Variants in MBTD1 observed in about 807,000 individuals in gnomAD.
MBTD1 encodes the protein mbt domain containing 1, also known as MBT domain-containing protein 1.
A neutral mutation model predicts 87.8 loss-of-function variants in MBTD1; 24 were observed. The ratio of observed to expected loss-of-function variants is 0.27; its 90% CI spans 0.20 to 0.38. The LOEUF (loss-of-function observed/expected upper bound fraction) is 0.38, where lower values mean the gene tolerates loss of function less well. Ranked by LOEUF, MBTD1 falls within the 10% of genes least tolerant of loss-of-function variation. The pLI, the probability that MBTD1 is intolerant of heterozygous loss-of-function variation, is 1.00. For synonymous variants in MBTD1, 237 were observed against 248.6 expected (o/e 0.95, Z 0.44); for missense variants, 436 against 760.2 (o/e 0.57, Z 5.02).
chr17:51,231,470 G>A (rs2053547101), intron 2 of MBTD1, among the ~76,000 whole-genome samples: 1 of 152,042 alleles, frequency 6.6e-6, no homozygotes, highest in Admixed American at 6.6e-5. Context: ...CATGGTCAAA[G>A]ATGTTTGGGA....
rs2051162662 is a variant in MBTD1 at position 51,197,063 on chromosome 17, TA to T, written c.1225-1703del. Among the ~76,000 whole-genome samples the T allele has an allele frequency of 9.4e-3, 11 of 1,176 alleles. 1 individual carries two copies. The highest frequency in any genetic ancestry group is 0.015 in the Non-Finnish European group (8 of 548). The allele number at this position is 1,176 out of a possible 152,430, so 0.8% of individuals were successfully genotyped here. A position where few individuals can be genotyped will look rare whatever the true frequency, so the allele number is the denominator to read the frequency against. On this transcript the variant is annotated intron_variant, in intron 12 of 16. Coordinates refer to ENST00000586178, the MANE Select transcript of MBTD1 (RefSeq NM_017643.3). ...CAAGATATATATATATATATATATA[TA>T]TATATATATATATATATATATATAT... is the stretch of plus-strand genomic sequence containing the variant.
At chr17:51,247,926 A>C (rs1037452809) in intron 2 of MBTD1, among the ~76,000 whole-genome samples, 8 of 152,172 alleles carry the variant, frequency 5.3e-5, no homozygotes, top group Non-Finnish European at 2.9e-5. Context: ...ATTTTCTTTT[A>C]ATCTCTAATG....
In MBTD1 at chr17:51,179,745, G is replaced by A. The variant is rs1318206260; in HGVS notation, c.*831C>T. On this transcript the variant is annotated 3_prime_UTR_variant, in exon 17 of 17. Transcript: ENST00000586178. The stretch of plus-strand genomic sequence containing the variant: ...AGATAGAGGGAAATGGCAGAGAACT[G>A]ATCAGAATCCCTTTCGTGGGGTATT... 1 of 151,310 alleles carries A rather than the reference G, an allele frequency of 6.6e-6. No homozygotes were observed. The highest frequency in any genetic ancestry group is 6.6e-5 in the Admixed American group (1 of 15,116). The allele number at this position is 151,310 out of a possible 1,614,324, so 9.4% of individuals were successfully genotyped here.
chr17:51,236,919 C>T (rs1307089119), intron 2 of MBTD1, among the ~76,000 whole-genome samples: 2 of 151,954 alleles, frequency 1.3e-5, no homozygotes, highest in East Asian at 1.9e-4. Flanking sequence ...CGTAAGAGTT[C>T]TATAAAACTT....
intron 16 of MBTD1, among the ~76,000 whole-genome samples, chr17:51,188,822 C>T (rs191102770): frequency 5.5e-5 from 8 of 145,200 alleles, no homozygotes; most frequent in East Asian, 2.0e-4. Context: ...TGCAATGGCG[C>T]GATCTCGGCT....
intron 2 of MBTD1, among the ~76,000 whole-genome samples, chr17:51,233,453 C>A (rs1482000983): frequency 6.6e-6 from 1 of 151,858 alleles, no homozygotes; most frequent in Non-Finnish European, 1.5e-5. Flanking sequence ...ACAAGATAGA[C>A]CTTGGAATTT....
intron 12 of MBTD1, among the ~76,000 whole-genome samples, chr17:51,199,125 T>A (rs1038927632): frequency 6.6e-6 from 1 of 151,408 alleles, no homozygotes; most frequent in Non-Finnish European, 1.5e-5. Context: ...TGAGACAGAG[T>A]TTTGCTCTTG....
intron 12 of MBTD1, among the ~76,000 whole-genome samples, chr17:51,195,863 T>TC (rs1428144928): frequency 6.6e-6 from 1 of 152,108 alleles, no homozygotes; most frequent in Non-Finnish European, 1.5e-5. Flanking sequence ...ACATTAAGGG[T>TC]CCTCTTGTTC....
In MBTD1 at chr17:51,179,494, A is replaced by ATATTTT. The variant is rs1555673720; in HGVS notation, c.*1081_*1082insAAAATA. 2.4e-5 allele frequency: 1 copy of ATATTTT among 41,462 alleles called. No homozygotes were observed. The highest frequency in any genetic ancestry group is 4.8e-5 in the Non-Finnish European group (1 of 20,710). The allele number at this position is 41,462 out of a possible 1,614,324, so 2.6% of individuals were successfully genotyped here. A position where few individuals can be genotyped will look rare whatever the true frequency, so the allele number is the denominator to read the frequency against. ...CAATTAAAGACAATTTTATATATAT[A>ATATTTT]TATATATATATATATATATATATAT... On this transcript the variant is annotated 3_prime_UTR_variant, in exon 17 of 17. Transcript: ENST00000586178.
Position 51,199,818 on chromosome 17 carries a change from TTTTC to T in MBTD1, c.1224+1770_1224+1773del, listed in dbSNP as rs145496918. Reference sequence around the variant, plus strand: ...TGGCAGCCATCATAATTGTTTTCCTTTTTCTTTTTTTCTGTTTTTTTTTTGAGAC... The same window carrying T: ...TGGCAGCCATCATAATTGTTTTCCTTTTTTTTTCTGTTTTTTTTTTGAGAC... On this transcript the variant is annotated intron_variant, in intron 12 of 16. Coordinates refer to ENST00000586178, the MANE Select transcript of MBTD1 (RefSeq NM_017643.3). Among the ~76,000 whole-genome samples, 1,398 of 150,096 alleles carry T rather than the reference TTTTC, an allele frequency of 9.3e-3. 32 individuals carry two copies. Among genetic ancestry groups the T allele is most frequent in the African/African-American group, 0.032 (1,292 of 39,912 alleles).
intron 6 of MBTD1, among the ~76,000 whole-genome samples, chr17:51,208,465 A>G (rs2051982117): frequency 6.6e-6 from 1 of 152,240 alleles, no homozygotes; most frequent in Non-Finnish European, 1.5e-5. Flanking sequence ...TCTAGACTGT[A>G]GGGCCATCCC....
intron 1 of MBTD1, 138 bp downstream of exon 1, chr17:51,259,697 C>T: frequency 1.3e-6 from 1 of 746,768 alleles, no homozygotes; most frequent in Non-Finnish European, 1.8e-6. Flanking sequence ...GGGAGGGGGG[C>T]TCCGGAGGTT....
At chr17:51,259,117 G>A (rs1184398421) in intron 2 of MBTD1, 26 bp downstream of exon 2, 1 of 454,132 alleles carries the variant, frequency 2.2e-6, no homozygotes, top group Non-Finnish European at 3.6e-6. Context: ...GCTTTTAGGG[G>A]TGTAAGCAGG....
chr17:51,233,264 A>G (rs988086889), intron 2 of MBTD1, among the ~76,000 whole-genome samples: 1 of 152,136 alleles, frequency 6.6e-6, no homozygotes. Flanking sequence ...CTACTCAGGT[A>G]GACAGTCTAA....
intron 16 of MBTD1, among the ~76,000 whole-genome samples, chr17:51,181,769 A>T (rs1325833043): frequency 2.6e-5 from 4 of 152,242 alleles, no homozygotes; most frequent in Non-Finnish European, 5.9e-5. Flanking sequence ...TTCAAAGCTG[A>T]GTGCCTGCCT....
intron 16 of MBTD1, chr17:51,183,409 G>A (rs1397127667): frequency 6.6e-6 from 1 of 151,912 alleles, no homozygotes; most frequent in East Asian, 1.9e-4. Context: ...GATCTCAGGT[G>A]ATTCACCTGC....
At chr17:51,232,569 A>G (rs2053604584) in intron 2 of MBTD1, among the ~76,000 whole-genome samples, 1 of 152,212 alleles carries the variant, frequency 6.6e-6, no homozygotes, top group Non-Finnish European at 1.5e-5. Context: ...GATACATGAT[A>G]AACACTCAAA....
intron 2 of MBTD1, among the ~76,000 whole-genome samples, chr17:51,225,830 G>A (rs1472497770): frequency 6.6e-6 from 1 of 151,440 alleles, no homozygotes; most frequent in Admixed American, 6.6e-5. Flanking sequence ...CCAGGCTGGA[G>A]TGCAGTGGCA....
Position 51,237,535 on chromosome 17 carries a change from T to C in MBTD1, c.-48-12326A>G, listed in dbSNP as rs143898080. On this transcript the variant is annotated intron_variant, in intron 2 of 16. Coordinates refer to ENST00000586178, the MANE Select transcript of MBTD1 (RefSeq NM_017643.3). ...AAGAGGCAAAAGATCTAAACAGAAA[T>C]TCAAAGATATACAGATGGCAAGTAA... is the stretch of plus-strand genomic sequence containing the variant. Among the ~76,000 whole-genome samples the C allele has an allele frequency of 2.0e-5, 3 of 152,038 alleles. No individual in the cohort carries two copies. In the East Asian group the frequency reaches 5.8e-4, roughly 29 times the overall value.
Sources: gnomAD v4.1 joint callset for allele counts (sites outside exome capture counted in the v4.1 genomes callset) on GRCh38, gnomAD v4.1.1 for gene constraint, MANE v1.5 for transcripts, NCBI Gene and HGNC (gene_info 2026-07-23, HGNC 2026-07-21) for gene names.